SPSB3: variants seen among roughly 807,000 people sequenced by gnomAD.
SPSB3 encodes the protein SPRY domain-containing SOCS box protein 3.
SPSB3 carries 18 observed loss-of-function variants against 29.5 expected under a neutral mutation model. The observed-to-expected ratio is 0.61, with a 90% CI of 0.42 to 0.91. SPSB3 has a LOEUF of 0.91. Among genes scored for constraint, SPSB3 ranks in the 40% least tolerant of loss-of-function variants. The pLI, the probability that SPSB3 is intolerant of heterozygous loss-of-function variation, is 0.00. For synonymous variants in SPSB3, 299 were observed against 214.1 expected (o/e 1.40, Z -3.46); for missense variants, 540 against 507.5 (o/e 1.06, Z -0.61).
chr16:1,777,024 A>G lies in SPSB3; in HGVS notation c.*73T>C, dbSNP rs941886713. ...TCCGCCCTGGAGTGTGGCTGGAAGG[A>G]AGGGACAGAGAAAGAAGGGACAGAG... On this transcript the variant is annotated 3_prime_UTR_variant, in exon 7 of 7. Coordinates refer to ENST00000566339, the MANE Select transcript of SPSB3 (RefSeq NM_080861.4). The G allele has an allele frequency of 1.3e-6, 2 of 1,514,060 alleles. No homozygotes were observed. Among genetic ancestry groups the G allele is most frequent in the African/African-American group, 1.4e-5 (1 of 72,546 alleles). The allele number at this position is 1,514,060 out of a possible 1,614,324, so 93.8% of individuals were successfully genotyped here.
At chr16:1,777,565 G>C in intron 6 of SPSB3, 122 bp from the exon 7 acceptor site, 1 of 1,346,486 alleles carries the variant, frequency 7.4e-7, no homozygotes, top group Non-Finnish European at 9.9e-7. Flanking sequence ...GGCAAGGCAG[G>C]GTGCACGCGC....
Position 1,778,316 on chromosome 16 carries a change from C to T in SPSB3, c.310G>A (p.Asp104Asn). 6 of 1,612,242 alleles carry T rather than the reference C, an allele frequency of 3.7e-6. No homozygotes were observed. The highest frequency in any genetic ancestry group is 4.5e-5 in the East Asian group (2 of 44,876). Reference sequence around the variant, plus strand: ...TTATTTAAGTCATCCCAGACCCAGTCGAAATCTGCAAGAGAGGCCCAGGCT... The same window carrying T: ...TTATTTAAGTCATCCCAGACCCAGTTGAAATCTGCAAGAGAGGCCCAGGCT... ...CRCGEEDEYF[D>N]WVWDDLNKSS... The change falls in exon 4 of 7, where the codon GAC becomes AAC. Residue 104 changes from aspartate to asparagine, a missense_variant. Coordinates refer to ENST00000566339, the MANE Select transcript of SPSB3 (RefSeq NM_080861.4).
chr16:1,776,867 A>G lies in SPSB3; in HGVS notation c.*230T>C, dbSNP rs535007458. On this transcript the variant is annotated 3_prime_UTR_variant, in exon 7 of 7. Coordinates refer to ENST00000566339, the MANE Select transcript of SPSB3 (RefSeq NM_080861.4). Reference sequence around the variant, plus strand: ...CAGGCTCTCGTCCTCGCAGCCTCCCACAAGACCTGGGGCTCAGGGCAGCCG... The same window carrying G: ...CAGGCTCTCGTCCTCGCAGCCTCCCGCAAGACCTGGGGCTCAGGGCAGCCG... 3.5e-6 allele frequency: 2 copies of G among 566,298 alleles called. No homozygotes were observed. The highest frequency in any genetic ancestry group is 2.4e-5 in the South Asian group (1 of 41,316). 35.1% of individuals were successfully genotyped at this position (566,298 alleles called of 1,614,324 possible).
intron 2 of SPSB3, chr16:1,778,867 A>G (rs1000560342): frequency 3.4e-5 from 14 of 410,550 alleles, no homozygotes; most frequent in African/African-American, 2.3e-4. Context: ...CCTGGCCTCC[A>G]AGTGGTTTCT....
At chr16:1,781,773 C>T (rs1294961354) in intron 1 of SPSB3, 6 of 475,422 alleles carry the variant, frequency 1.3e-5, no homozygotes, top group South Asian at 2.4e-5. Context: ...AACCTGGCTG[C>T]CCCGCCCGCC....
intron 1 of SPSB3, chr16:1,781,910 C>A: frequency 4.7e-6 from 1 of 213,186 alleles, no homozygotes; most frequent in South Asian, 6.0e-5. Context: ...CTTCCCCTCA[C>A]GCCCGGCCCG....
chr16:1,777,029 A>C lies in SPSB3; in HGVS notation c.*68T>G. ...CCTGGAGTGTGGCTGGAAGGAAGGG[A>C]CAGAGAAAGAAGGGACAGAGGAAAG... On this transcript the variant is annotated 3_prime_UTR_variant, in exon 7 of 7. Coordinates refer to ENST00000566339, the MANE Select transcript of SPSB3 (RefSeq NM_080861.4). 3.3e-6 allele frequency: 5 copies of C among 1,527,502 alleles called. No homozygotes were observed. Among genetic ancestry groups the C allele is most frequent in the Non-Finnish European group, 4.4e-6 (5 of 1,126,418 alleles). The allele number at this position is 1,527,502 out of a possible 1,614,324, so 94.6% of individuals were successfully genotyped here. A position where few individuals can be genotyped will look rare whatever the true frequency, so the allele number is the denominator to read the frequency against.
At chr16:1,780,018 A>G (rs536523391) in intron 2 of SPSB3, 1 of 152,358 alleles carries the variant, frequency 6.6e-6, no homozygotes, top group African/African-American at 2.4e-5. Flanking sequence ...GGGAGTCCTC[A>G]CTCAGAGGAG....
At chr16:1,781,785 G>A (rs1896726163) in intron 1 of SPSB3, 10 of 446,460 alleles carry the variant, frequency 2.2e-5, no homozygotes, top group South Asian at 5.0e-5. Context: ...CCGCCCGCCT[G>A]TCCCGCAGGC....
intron 1 of SPSB3, chr16:1,781,778 C>T (rs1034458392): frequency 2.2e-6 from 1 of 458,330 alleles, no homozygotes; most frequent in Non-Finnish European, 4.0e-6. Context: ...GGCTGCCCCG[C>T]CCGCCTGTCC....
chr16:1,777,194 C>A lies in SPSB3; in HGVS notation c.971G>T (p.Arg324Leu). The change falls in exon 7 of 7, where the codon CGC (arginine) becomes CTC (leucine). Residue 324 changes from arginine to leucine, a missense_variant. Physicochemically the swap from Arg to Leu is moderately radical, Grantham distance 102. Coordinates refer to ENST00000566339, the MANE Select transcript of SPSB3 (RefSeq NM_080861.4). ...GWVLSMSCSR[R>L]KAPVSDPQAA... The stretch of plus-strand genomic sequence containing the variant: ...CTGGGGATCGGACACTGGAGCCTTG[C>A]GGCGGCTGCAACTCATGCTCAGGAC... The A allele has an allele frequency of 1.2e-6, 2 of 1,610,298 alleles. No homozygotes were observed. Among genetic ancestry groups the A allele is most frequent in the Non-Finnish European group, 1.7e-6 (2 of 1,179,782 alleles).
rs142379153 is a variant in SPSB3 at position 1,777,345 on chromosome 16, C to A, written c.820G>T (p.Ala274Ser). 5 of 1,607,628 alleles carry A rather than the reference C, an allele frequency of 3.1e-6. No homozygotes were observed. The highest frequency in any genetic ancestry group is 3.4e-6 in the Non-Finnish European group (4 of 1,178,952). The change falls in exon 7 of 7, where the codon GCC becomes TCC. Residue 274 changes from alanine (A) to serine (S), a missense_variant. Transcript: ENST00000566339. ...SMKVTRSCASATSLQYLCCHR... is the reference protein window; with the variant it reads ...SMKVTRSCASSTSLQYLCCHR... The stretch of plus-strand genomic sequence containing the variant: ...CAGCACAGGTACTGGAGGGAAGTGG[C>A]GCTGGCACAGGAGCGGGTGACCTTC...
intron 6 of SPSB3, 66 bp downstream of exon 6, chr16:1,777,681 G>A (rs2042734394): frequency 1.9e-6 from 3 of 1,593,754 alleles, no homozygotes; most frequent in Non-Finnish European, 2.6e-6. Context: ...CCCCTGGGCT[G>A]GGGCGGGGTG....
chr16:1,778,026 T>C lies in SPSB3; in HGVS notation c.515A>G (p.Asp172Gly). 2.5e-6 allele frequency: 4 copies of C among 1,613,120 alleles called. No individual in the cohort carries two copies. The highest frequency in any genetic ancestry group is 3.4e-6 in the Non-Finnish European group (4 of 1,179,982). ...GTGGCGGTATTTGTCCAGGTCCACA[T>C]CCGACGTCCCGATGCCCACCATCTA... ...TDMMVGIGTS[D>G]VDLDKYRHTF... The change falls in exon 5 of 7, where the codon GAT (aspartate) becomes GGT (glycine). Residue 172 changes from aspartate to glycine, a missense_variant. Physicochemically the swap from Asp to Gly is moderately conservative, Grantham distance 94. Transcript: ENST00000566339.
chr16:1,781,671 A>G, intron 1 of SPSB3, 176 bp from the exon 2 acceptor site: 1 of 634,498 alleles, frequency 1.6e-6, no homozygotes, highest in East Asian at 2.8e-5. Flanking sequence ...TGAGCAGCTC[A>G]ATAAAACCCA....
intron 1 of SPSB3, 135 bp from the exon 2 acceptor site, chr16:1,781,630 G>A: frequency 1.1e-6 from 1 of 897,968 alleles, no homozygotes; most frequent in Non-Finnish European, 1.7e-6. Flanking sequence ...GCTCCAGAAC[G>A]CTTCAGGAGC....
intron 2 of SPSB3, chr16:1,780,151 CAG>C (rs1162091014): frequency 2.0e-5 from 3 of 152,320 alleles, no homozygotes; most frequent in African/African-American, 7.2e-5. Flanking sequence ...CCCATGGTGA[CAG>C]AGGACAAGCA....
chr16:1,781,317 A>C (rs937598431), intron 2 of SPSB3, 41 bp downstream of exon 2: 2 of 1,612,460 alleles, frequency 1.2e-6, no homozygotes, highest in Non-Finnish European at 1.7e-6. Flanking sequence ...GCATCTCCAC[A>C]CCTTAGGCCA....
In SPSB3 at chr16:1,781,341, C is replaced by G. The variant is rs548760015; in HGVS notation, c.126+17G>C. 22 of 1,612,916 alleles carry G rather than the reference C, an allele frequency of 1.4e-5. No individual in the cohort carries two copies. In the South Asian group the frequency reaches 2.3e-4, roughly 17 times the overall value. On this transcript the variant is annotated intron_variant, in intron 2 of 6. Transcript: ENST00000566339. The stretch of plus-strand genomic sequence containing the variant: ...CACCTTAGGCCAGCCACGTCCGCCT[C>G]GCCCGCTGGAACCTACCTGCCCATC...
Sources: allele counts gnomAD v4.1 joint callset, GRCh38; gene constraint gnomAD v4.1.1; transcripts MANE v1.5; gene names NCBI Gene and HGNC (gene_info 2026-07-23, HGNC 2026-07-21).